The following SEMA3A variants were observed in gnomAD, a reference collection of about 807,000 sequenced individuals.
The protein encoded by SEMA3A is semaphorin-3A.
In SEMA3A, 29 loss-of-function variants were observed where a neutral mutation model predicts 97.9. The observed-to-expected ratio is 0.30, with a 90% confidence interval of 0.22 to 0.40. The LOEUF (loss-of-function observed/expected upper bound fraction) is 0.40. SEMA3A is among the 10% of genes least tolerant of loss of function. The pLI, the probability that SEMA3A is intolerant of heterozygous loss-of-function variation, is 1.00. For synonymous variants in SEMA3A, 321 were observed against 323.7 expected, an observed-to-expected ratio of 0.99 and a Z score of 0.09; for missense variants, 763 against 951.3, an observed-to-expected ratio of 0.80 and a Z score of 2.60.
At chr7:84,266,191 C>A (rs1037379110) in intron 3 of SEMA3A, among the ~76,000 whole-genome samples, 6 of 151,450 alleles carry the variant, frequency 4.0e-5, no homozygotes, top group African/African-American at 1.5e-4. Context: ...CATAGTGGTG[C>A]ACTCCTGTAA....
chr7:84,361,899 C>T (rs982825422), intron 2 of SEMA3A, among the ~76,000 whole-genome samples: 3 of 151,840 alleles, frequency 2.0e-5, no homozygotes, highest in Non-Finnish European at 4.4e-5. Context: ...AGGGTGAACT[C>T]GGCTCTAGGC....
At chr7:84,172,272 G>A (rs1403615804) in intron 1 of SEMA3A, among the ~76,000 whole-genome samples, 1 of 152,052 alleles carries the variant, frequency 6.6e-6, no homozygotes, top group Non-Finnish European at 1.5e-5. Flanking sequence ...TGAAAATATT[G>A]TGTACATATA....
chr7:84,423,232 T>A (rs973865165), intron 1 of SEMA3A, among the ~76,000 whole-genome samples: 11 of 131,952 alleles, frequency 8.3e-5, no homozygotes, highest in African/African-American at 3.8e-4. Context: ...ATGAAAAGAT[T>A]TGCAATATTA....
chr7:84,265,133 C>A (rs1477143189), intron 3 of SEMA3A, among the ~76,000 whole-genome samples: 1 of 152,120 alleles, frequency 6.6e-6, no homozygotes, highest in Non-Finnish European at 1.5e-5. Context: ...AGGAACTCCC[C>A]AGGAATGAGG....
At chr7:84,157,576 G>A (rs1796883363) in intron 1 of SEMA3A, among the ~76,000 whole-genome samples, 1 of 152,156 alleles carries the variant, frequency 6.6e-6, no homozygotes, top group Admixed American at 6.5e-5. Context: ...TAGTGCTGGA[G>A]CATACGGCTA....
At chr7:84,156,166 G>T (rs555666773) in intron 1 of SEMA3A, among the ~76,000 whole-genome samples, 2 of 152,016 alleles carry the variant, frequency 1.3e-5, no homozygotes, top group East Asian at 1.9e-4. Context: ...AAGGTTACTG[G>T]TGTTTACGTG....
chr7:84,066,730 C>T lies in SEMA3A; in HGVS notation c.454-6172G>A, dbSNP rs536907897. 4.9e-3 allele frequency among the ~76,000 whole-genome samples: 751 copies of T among 151,916 alleles called. 7 individuals carry two copies. The highest frequency in any genetic ancestry group is 0.017 in the African/African-American group (702 of 41,322). On this transcript the variant is annotated intron_variant, in intron 4 of 16. Coordinates refer to ENST00000265362, the MANE Select transcript of SEMA3A (RefSeq NM_006080.3). ...AACTTACAAAGGATGTGAAGGACCT[C>T]TTCAAGGAGAACTACAAACCACTGC... is the stretch of plus-strand genomic sequence containing the variant.
At chr7:84,310,518 A>G (rs1420437053) in intron 2 of SEMA3A, among the ~76,000 whole-genome samples, 1 of 152,078 alleles carries the variant, frequency 6.6e-6, no homozygotes, top group Non-Finnish European at 1.5e-5. Flanking sequence ...GGAAACTCCT[A>G]TTACAAATAG....
At chr7:84,405,178 C>CA (rs962222418) in intron 1 of SEMA3A, among the ~76,000 whole-genome samples, 13 of 149,788 alleles carry the variant, frequency 8.7e-5, no homozygotes, top group East Asian at 4.0e-4. Context: ...CACATAGGCT[C>CA]AAAAAAAAGG....
rs1788365995 is a variant in SEMA3A at position 83,958,944 on chromosome 7, G to T, written c.*2427C>A. On this transcript the variant is annotated 3_prime_UTR_variant, in exon 17 of 17. Coordinates refer to ENST00000265362, the MANE Select transcript of SEMA3A (RefSeq NM_006080.3). ...TCTATTTAAAGCTGAATTATTAAAT[G>T]GGCCAATAATTCTTTTTCGTGCAAA... 1 of 151,994 alleles carries T rather than the reference G, an allele frequency of 6.6e-6. No individual in the cohort carries two copies. The highest frequency in any genetic ancestry group is 1.5e-5 in the Non-Finnish European group (1 of 67,910). 9.4% of individuals were successfully genotyped at this position (151,994 alleles called of 1,614,324 possible).
intron 1 of SEMA3A, among the ~76,000 whole-genome samples, chr7:84,175,645 T>C (rs1233063202): frequency 6.6e-6 from 1 of 152,250 alleles, no homozygotes; most frequent in African/African-American, 2.4e-5. Context: ...GTCATCTGGA[T>C]GTCTGGAAGG....
intron 2 of SEMA3A, among the ~76,000 whole-genome samples, chr7:84,357,426 G>A (rs1030412958): frequency 1.3e-5 from 2 of 151,830 alleles, no homozygotes; most frequent in African/African-American, 4.8e-5. Context: ...GAGAATGATG[G>A]TTTCCAGCTT....
chr7:84,075,393 A>G (rs1442953842), intron 4 of SEMA3A, among the ~76,000 whole-genome samples: 1 of 150,882 alleles, frequency 6.6e-6, no homozygotes, highest in Non-Finnish European at 1.5e-5. Context: ...TCCTGACCTC[A>G]GGTGATCCAC....
rs758139600 is a variant in SEMA3A at position 84,060,441 on chromosome 7, TTTAA to T, written c.547+20_547+23del. 585 of 1,447,324 alleles carry T rather than the reference TTTAA, an allele frequency of 4.0e-4. 2 individuals carry two copies. Among genetic ancestry groups the T allele is most frequent in the Admixed American group, 1.8e-4 (8 of 44,806 alleles). 89.7% of individuals were successfully genotyped at this position (1,447,324 alleles called of 1,614,324 possible). ...TTTGTTATTTATAGAAAACTCACTA[TTTAA>T]TTGATTGTTGACTACGCACCTATTA... On this transcript the variant is annotated intron_variant, in intron 5 of 16. Transcript: ENST00000265362.
intron 1 of SEMA3A, among the ~76,000 whole-genome samples, chr7:84,424,133 A>G (rs2116288316): frequency 6.6e-6 from 1 of 151,656 alleles, no homozygotes; most frequent in East Asian, 1.9e-4. Flanking sequence ...CAGCAATCCC[A>G]CTACTGGGTA....
intron 6 of SEMA3A, among the ~76,000 whole-genome samples, chr7:84,043,705 T>C (rs2372024): frequency 0.14 from 20,540 of 152,120 alleles, 1,690 homozygotes; most frequent in East Asian, 0.38. Flanking sequence ...CCCAAACATA[T>C]CTGTATCTTC....
chr7:84,136,960 A>AGAAG (rs201748268), intron 1 of SEMA3A, among the ~76,000 whole-genome samples: 13,852 of 140,784 alleles, frequency 0.098, 706 homozygotes, highest in East Asian at 0.16. Context: ...GAGGGAGGGA[A>AGAAG]GAAGGAAGGA....
At chr7:84,217,697 A>G (rs1334303509) in intron 3 of SEMA3A, among the ~76,000 whole-genome samples, 1 of 151,736 alleles carries the variant, frequency 6.6e-6, no homozygotes, top group East Asian at 1.9e-4. Flanking sequence ...ATAGTTCAAG[A>G]CTTCATTGAA....
At chr7:84,034,907 G>A (rs1003157413) in intron 6 of SEMA3A, among the ~76,000 whole-genome samples, 34 of 151,848 alleles carry the variant, frequency 2.2e-4, no homozygotes, top group Non-Finnish European at 4.1e-4. Context: ...GAATAAGCAC[G>A]TTTCCTCTCA....
Sources: allele counts gnomAD v4.1 joint callset (sites outside exome capture counted in the v4.1 genomes callset), GRCh38; gene constraint gnomAD v4.1.1; transcripts MANE v1.5; gene names NCBI Gene and HGNC (gene_info 2026-07-23, HGNC 2026-07-21).